The following ANKRD24 variants were observed in gnomAD, a reference collection of about 807,000 sequenced individuals.
ANKRD24 encodes ankyrin repeat domain 24.
ANKRD24 carries 109 observed loss-of-function variants against 127.8 expected under a neutral mutation model. The observed-to-expected ratio is 0.85, with a 90% CI of 0.73 to 1.00. ANKRD24 has a LOEUF of 1.00. Among genes scored for constraint, ANKRD24 ranks in the 50% least tolerant of loss-of-function variants. The probability of loss-of-function intolerance (pLI) is 0.00; values close to 1 mark genes in which losing one functional copy is unlikely to be tolerated. For missense variants in ANKRD24, 1,648 were observed against 1,570.2 expected (o/e 1.05, Z -0.84); for synonymous variants, 743 against 671.1 (o/e 1.11, Z -1.66).
Position 4,218,176 on chromosome 19 carries a change from G to C in ANKRD24, c.3003+13G>C. The C allele has an allele frequency of 6.9e-7, 1 of 1,458,070 alleles. No homozygotes were observed. Among genetic ancestry groups the C allele is most frequent in the Non-Finnish European group, 9.1e-7 (1 of 1,102,410 alleles). 90.3% of individuals were successfully genotyped at this position (1,458,070 alleles called of 1,614,324 possible). A position where few individuals can be genotyped will look rare whatever the true frequency, so the allele number is the denominator to read the frequency against. On this transcript the variant is annotated intron_variant, in intron 18 of 21. Coordinates refer to ENST00000318934, the MANE Select transcript of ANKRD24 (RefSeq NM_001393985.1). ...AGAGGTCTTCCAGGTGAGCAGGGCT[G>C]GTCACCACCCGGGCCCCACCCCCAT... is the stretch of plus-strand genomic sequence containing the variant.
chr19:4,211,929 G>A (rs186899190), intron 13 of ANKRD24, among the ~76,000 whole-genome samples: 50 of 152,206 alleles, frequency 3.3e-4, no homozygotes, highest in East Asian at 2.9e-3. Flanking sequence ...GGCCGGGCGC[G>A]GTGGCTCATG....
Position 4,207,966 on chromosome 19 carries a change from G to A in ANKRD24, c.830G>A (p.Ser277Asn). The change falls in exon 10 of 22, where the codon AGC (serine) becomes AAC (asparagine). Residue 277 changes from serine to asparagine, a missense_variant and splice_region_variant. Transcript: ENST00000318934. The stretch of plus-strand genomic sequence containing the variant: ...GCGGCCCAGCGCCCCTCCCCACCCA[G>A]CGGTATGCAAGCCCCACCTCCCCAA... Reference protein sequence around the residue: ...QEAAQRPSPPSALTEDDSGEA... With the variant: ...QEAAQRPSPPNALTEDDSGEA... 6.7e-7 allele frequency: 1 copy of A among 1,491,358 alleles called. No individual in the cohort carries two copies. Among genetic ancestry groups the A allele is most frequent in the Non-Finnish European group, 8.9e-7 (1 of 1,122,302 alleles). The allele number at this position is 1,491,358 out of a possible 1,614,324, so 92.4% of individuals were successfully genotyped here.
At chr19:4,210,000 G>A in intron 11 of ANKRD24, 58 bp from the exon 12 acceptor site, 1 of 1,050,548 alleles carries the variant, frequency 9.5e-7, no homozygotes, top group South Asian at 1.4e-5. Context: ...TTACTGTGGG[G>A]GAGGCTGGCA....
chr19:4,199,876 G>A lies in ANKRD24; in HGVS notation c.125G>A (p.Ser42Asn). The A allele has an allele frequency of 6.4e-7, 1 of 1,570,132 alleles. No homozygotes were observed. Among genetic ancestry groups the A allele is most frequent in the Non-Finnish European group, 8.6e-7 (1 of 1,158,674 alleles). The part of the protein sequence containing the change: ...PKPAARGRRQ[S>N]QDWGKSDERL... ...CGCACTTCTGGGCGTGCCCTGCAGA[G>A]TCAAGACTGGGGCAAGAGTGACGAG... Residue 42 changes from serine to asparagine, a missense_variant and splice_region_variant, in exon 4 of 22, where the codon AGT becomes AAT. Ser to Asn is a conservative substitution (Grantham distance 46). Transcript: ENST00000318934. This position sits in a 1 kb window ranked among gnomAD's most constrained non-coding sequence, Gnocchi z 5.2.
Position 4,195,723 on chromosome 19 carries a change from C to T in ANKRD24, c.37-3960C>T, listed in dbSNP as rs529223078. Among the ~76,000 whole-genome samples, 2 of 152,166 alleles carry T rather than the reference C, an allele frequency of 1.3e-5. No homozygotes were observed. The highest frequency in any genetic ancestry group is 2.1e-4 in the South Asian group (1 of 4,814). On this transcript the variant is annotated intron_variant, in intron 2 of 21. Coordinates refer to ENST00000318934, the MANE Select transcript of ANKRD24 (RefSeq NM_001393985.1). This position sits in a 1 kb window ranked among gnomAD's most constrained non-coding sequence, Gnocchi z 4.2. ...CAGCCTGGCCAACATGACAAAACCC[C>T]GTCTCTACTAAAATACAAAAATTCG...
chr19:4,191,688 G>T (rs996731117), intron 2 of ANKRD24, among the ~76,000 whole-genome samples: 1 of 151,644 alleles, frequency 6.6e-6, no homozygotes, highest in Non-Finnish European at 1.5e-5. Context: ...CATCATGTTG[G>T]CCAGGTTGGT....
In ANKRD24 at chr19:4,224,293, G is replaced by C. The variant is rs1970620403; in HGVS notation, c.3363+101G>C. 3.5e-6 allele frequency: 5 copies of C among 1,432,948 alleles called. No homozygotes were observed. The East Asian group carries it at 1.2e-4, about 35-fold the overall frequency. 88.8% of individuals were successfully genotyped at this position (1,432,948 alleles called of 1,614,324 possible). On this transcript the variant is annotated intron_variant, in intron 21 of 21. Coordinates refer to ENST00000318934, the MANE Select transcript of ANKRD24 (RefSeq NM_001393985.1). ...CTGTACAGTGGGAGGCTGGTCTGGG[G>C]AGAGGTTCGTGGCATGTGGGAGCCC...
Position 4,217,816 on chromosome 19 carries a change from G to T in ANKRD24, c.2656G>T (p.Ala886Ser). The change falls in exon 18 of 22, where the codon GCT becomes TCT. Residue 886 changes from alanine (A) to serine (S), a missense_variant. Ala to Ser is a moderately conservative substitution (Grantham distance 99, BLOSUM62 1). Coordinates refer to ENST00000318934, the MANE Select transcript of ANKRD24 (RefSeq NM_001393985.1). ...ACGGGACGCCGCTGAGGCCCGAGTGGCTGAGCTGCCTGCGGCCTGCGAGGA... is the reference window on the plus strand; with the variant it reads ...ACGGGACGCCGCTGAGGCCCGAGTGTCTGAGCTGCCTGCGGCCTGCGAGGA... ...RARDAAEARV[A>S]ELPAACEEAR... 2.1e-6 allele frequency: 3 copies of T among 1,397,334 alleles called. No individual in the cohort carries two copies. The highest frequency in any genetic ancestry group is 2.8e-6 in the Non-Finnish European group (3 of 1,080,444). The allele number at this position is 1,397,334 out of a possible 1,614,324, so 86.6% of individuals were successfully genotyped here. A position where few individuals can be genotyped will look rare whatever the true frequency, so the allele number is the denominator to read the frequency against.
At chr19:4,203,048 CTTTCTTT>C in intron 7 of ANKRD24, 122 bp downstream of exon 7, 1 of 824,992 alleles carries the variant, frequency 1.2e-6, no homozygotes, top group Non-Finnish European at 1.8e-6. Flanking sequence ...TCCTTTCTTT[CTTTCTTT>C]TTTTTTTTTT....
Position 4,218,079 on chromosome 19 carries a change from C to T in ANKRD24, c.2919C>T (p.Thr973=). The T allele has an allele frequency of 1.3e-6, 2 of 1,552,504 alleles. No homozygotes were observed. Among genetic ancestry groups the T allele is most frequent in the Non-Finnish European group, 1.7e-6 (2 of 1,152,358 alleles). The change falls in exon 18 of 22, where the codon ACC becomes ACT. Residue 973 remains threonine (T), a synonymous_variant. Coordinates refer to ENST00000318934, the MANE Select transcript of ANKRD24 (RefSeq NM_001393985.1). ...CGGAGCACGAACGCATCGTGGGCACCCTGCAGGCCAACGTGGCCCAGCTGG... is the reference window on the plus strand; with the variant it reads ...CGGAGCACGAACGCATCGTGGGCACTCTGCAGGCCAACGTGGCCCAGCTGG... ...ALSEHERIVG[T]LQANVAQLEG...
chr19:4,198,178 C>T lies in ANKRD24; in HGVS notation c.37-1505C>T, dbSNP rs1475003371. 4 of 570,152 alleles carry T rather than the reference C, an allele frequency of 7.0e-6. No individual in the cohort carries two copies. The highest frequency in any genetic ancestry group is 1.2e-5 in the Non-Finnish European group (4 of 322,322). 35.3% of individuals were successfully genotyped at this position (570,152 alleles called of 1,614,324 possible). A position where few individuals can be genotyped will look rare whatever the true frequency, so the allele number is the denominator to read the frequency against. On this transcript the variant is annotated intron_variant, in intron 2 of 21. Transcript: ENST00000318934. This position sits in a 1 kb window ranked among gnomAD's most constrained non-coding sequence, Gnocchi z 6.1. ...CCTGCGCTGGTGAGGGAGCCGGGCC[C>T]CCGGCGCCGCGTCCTCCTCATCCTC...
At chr19:4,192,573 A>G (rs1484462309) in intron 2 of ANKRD24, among the ~76,000 whole-genome samples, 2 of 151,968 alleles carry the variant, frequency 1.3e-5, no homozygotes, top group Non-Finnish European at 2.9e-5. Flanking sequence ...TGCATGGAAT[A>G]CAGCAGTGAC....
intron 5 of ANKRD24, among the ~76,000 whole-genome samples, chr19:4,201,142 A>AT (rs1482370186): frequency 2.0e-5 from 3 of 151,822 alleles, no homozygotes; most frequent in Non-Finnish European, 4.4e-5. Flanking sequence ...TTACGAGGAG[A>AT]ACTTGTATGT....
chr19:4,184,856 G>C (rs1247993536), intron 1 of ANKRD24, among the ~76,000 whole-genome samples: 1 of 151,828 alleles, frequency 6.6e-6, no homozygotes, highest in African/African-American at 2.4e-5. Context: ...GGATGGATGG[G>C]TGGATGGATG....
In ANKRD24 at chr19:4,183,137, C is replaced by T. The variant is rs529046668; in HGVS notation, c.-37+397C>T. Among the ~76,000 whole-genome samples the T allele has an allele frequency of 9.2e-5, 14 of 152,052 alleles. No homozygotes were observed. The South Asian group carries it at 2.3e-3, about 25-fold the overall frequency. On this transcript the variant is annotated intron_variant, in intron 1 of 21. Transcript: ENST00000318934. ...GGGATTACAGGCGCCCGCCACCACA[C>T]CCAGCAAATTTTTGTATTTTTTAGT...
rs1029009566 is a variant in ANKRD24 at position 4,216,647 on chromosome 19, T to C, written c.1487T>C (p.Phe496Ser). The C allele has an allele frequency of 1.5e-5, 24 of 1,606,054 alleles. No individual in the cohort carries two copies. Among genetic ancestry groups the C allele is most frequent in the East Asian group, 2.2e-5 (1 of 44,590 alleles). ...CTCTATGACTCTCTCCGGGCCGAGT[T>C]TGACCAGCTACGCAGGCAGCACGCT... ...LALYDSLRAE[F>S]DQLRRQHAEA... is the part of the protein sequence containing the mutation. Residue 496 changes from phenylalanine to serine, a missense_variant, in exon 18 of 22, where the codon TTT (phenylalanine) becomes TCT (serine). Phe to Ser is a radical substitution (Grantham distance 155). Transcript: ENST00000318934.
rs958349428 is a variant in ANKRD24 at position 4,195,327 on chromosome 19, G to A, written c.37-4356G>A. Among the ~76,000 whole-genome samples the A allele has an allele frequency of 4.6e-5, 7 of 151,944 alleles. No homozygotes were observed. Among genetic ancestry groups the A allele is most frequent in the Admixed American group, 2.0e-4 (3 of 15,228 alleles). ...CATCTCAGGTGATCTGCCTGCCTCA[G>A]CCTCCCAAAGTGCTGGGATGACAGG... On this transcript the variant is annotated intron_variant, in intron 2 of 21. Coordinates refer to ENST00000318934, the MANE Select transcript of ANKRD24 (RefSeq NM_001393985.1). The surrounding 1 kb of genome is among the most constrained non-coding windows in gnomAD (Gnocchi z 4.2).
intron 2 of ANKRD24, among the ~76,000 whole-genome samples, chr19:4,192,505 C>G (rs979778701): frequency 3.3e-5 from 5 of 151,528 alleles, no homozygotes; most frequent in African/African-American, 1.2e-4. Context: ...GCCACCGCGC[C>G]CGGCCAGGCC....
Position 4,210,101 on chromosome 19 carries a change from G to C in ANKRD24, c.914G>C (p.Arg305Pro), listed in dbSNP as rs750102714. The C allele has an allele frequency of 2.1e-5, 34 of 1,612,260 alleles. No homozygotes were observed. In the South Asian group the frequency reaches 3.7e-4, roughly 18 times the overall value. Residue 305 changes from arginine to proline, a missense_variant, in exon 12 of 22, where the codon CGG becomes CCG. Transcript: ENST00000318934. ...SHGKQGAPKK[R>P]KAPPPPASIP... Reference sequence around the variant, plus strand: ...GGAAAGCAGGGGGCCCCCAAGAAGCGGAAGGCGCCTCCACCTCCCGCCAGC... The same window carrying C: ...GGAAAGCAGGGGGCCCCCAAGAAGCCGAAGGCGCCTCCACCTCCCGCCAGC...
Sources: allele counts gnomAD v4.1 joint callset (sites outside exome capture counted in the v4.1 genomes callset), GRCh38; gene constraint gnomAD v4.1.1; non-coding constraint Gnocchi (gnomAD v3.1); transcripts MANE v1.5; gene names NCBI Gene and HGNC (gene_info 2026-07-23, HGNC 2026-07-21).